TF: variants seen among roughly 807,000 people sequenced by gnomAD.
TF encodes the protein transferrin, also known as serotransferrin.
TF carries 55 observed loss-of-function variants against 82.4 expected under a neutral mutation model. The observed-to-expected ratio is 0.67, with a 90% CI of 0.54 to 0.84. The LOEUF (loss-of-function observed/expected upper bound fraction) is 0.84. TF is among the 40% of genes least tolerant of loss of function. The probability of loss-of-function intolerance (pLI) is 0.00; values close to 1 mark genes in which losing one functional copy is unlikely to be tolerated. For missense variants in TF, 737 were observed against 868.4 expected, an observed-to-expected ratio of 0.85 and a Z score of 1.90; for synonymous variants, 332 against 332.6, an observed-to-expected ratio of 1.00 and a Z score of 0.02.
chr3:133,727,636 G>A, the TF span, among the ~76,000 whole-genome samples: 2,701 of 115,882 alleles, frequency 0.023, 92 homozygotes, highest in Non-Finnish European at 0.034. Flanking sequence ...CTTTTAATTG[G>A]AGCATTTAGT....
rs1346616054 is a variant in TF, at chr3:133,788,523, T to A, written c.*9903T>A. On this transcript the variant is annotated 3_prime_UTR_variant, in exon 17 of 17. Coordinates refer to ENST00000402696, the MANE Select transcript of TF (RefSeq NM_001063.4). ...GTTTTGTCCAATTCTTGGTTCAATA[T>A]GCCCAGAACCTGGACACCCTCCACT... 1 of 152,244 alleles carries A rather than the reference T, an allele frequency of 6.6e-6. No homozygotes were observed. Among genetic ancestry groups the A allele is most frequent in the African/African-American group, 2.4e-5 (1 of 41,460 alleles). 9.4% of individuals were successfully genotyped at this position (152,244 alleles called of 1,614,324 possible). A position where few individuals can be genotyped will look rare whatever the true frequency, so the allele number is the denominator to read the frequency against.
the TF span, among the ~76,000 whole-genome samples, chr3:133,684,150 C>T: frequency 6.6e-6 from 1 of 152,172 alleles, no homozygotes; most frequent in African/African-American, 2.4e-5. Context: ...TTCTTTGAAA[C>T]CAATGAGAAC....
chr3:133,686,264 A>G, the TF span, among the ~76,000 whole-genome samples: 4 of 152,202 alleles, frequency 2.6e-5, no homozygotes, highest in Non-Finnish European at 5.9e-5. Flanking sequence ...AACCTAGGCA[A>G]TACCATTCAG....
chr3:133,665,621 G>A, the TF span, among the ~76,000 whole-genome samples: 1 of 151,966 alleles, frequency 6.6e-6, no homozygotes, highest in Non-Finnish European at 1.5e-5. Context: ...TGCTTGGGGT[G>A]ACATTATGGG....
In TF at chr3:133,753,727, G is replaced by A. The variant is rs774646960; in HGVS notation, c.325+24G>A. The A allele has an allele frequency of 5.0e-6, 8 of 1,584,900 alleles. No individual in the cohort carries two copies. The Admixed American group carries it at 1.2e-4, about 23-fold the overall frequency. ...GGGTAAGTTCTCCCTGGGACCCCAG[G>A]AAGGAGTTGTCATCCTTATTCTATA... On this transcript the variant is annotated intron_variant, in intron 3 of 16. Coordinates refer to ENST00000402696, the MANE Select transcript of TF (RefSeq NM_001063.4).
chr3:133,727,829 G>T, the TF span, among the ~76,000 whole-genome samples: 1 of 104,586 alleles, frequency 9.6e-6, no homozygotes, highest in Non-Finnish European at 2.0e-5. Context: ...CTTCCTTCAG[G>T]AACTCTTTTA....
chr3:133,705,821 T>C, the TF span, among the ~76,000 whole-genome samples: 1 of 152,194 alleles, frequency 6.6e-6, no homozygotes, highest in African/African-American at 2.4e-5. Flanking sequence ...AGGCCCATTG[T>C]TGGGGAGAGG....
At chr3:133,750,634 TTAG>T (rs1180758402) in intron 2 of TF, among the ~76,000 whole-genome samples, 1 of 152,122 alleles carries the variant, frequency 6.6e-6, no homozygotes, top group African/African-American at 2.4e-5. Flanking sequence ...ACGCTGTGTT[TTAG>T]GCCTTAGCTC....
the TF span, among the ~76,000 whole-genome samples, chr3:133,697,257 AATT>A: frequency 6.7e-6 from 1 of 150,094 alleles, no homozygotes; most frequent in African/African-American, 2.5e-5. Flanking sequence ...GGTCTCATCA[AATT>A]ATTATTATTA....
chr3:133,724,771 G>C, the TF span, among the ~76,000 whole-genome samples: 1 of 152,218 alleles, frequency 6.6e-6, no homozygotes, highest in African/African-American at 2.4e-5. Flanking sequence ...TTTTCTTCTA[G>C]GGATTTTATG....
At chr3:133,685,054 G>A in the TF span, among the ~76,000 whole-genome samples, 4 of 152,318 alleles carry the variant, frequency 2.6e-5, no homozygotes, top group Admixed American at 2.0e-4. Flanking sequence ...TTCAACGTAT[G>A]CAAATCAATA....
the TF span, among the ~76,000 whole-genome samples, chr3:133,662,638 G>T: frequency 6.6e-6 from 1 of 150,804 alleles, no homozygotes; most frequent in African/African-American, 2.4e-5. Flanking sequence ...CTAAGATTCA[G>T]ATGGCAGAGA....
chr3:133,709,429 C>G, the TF span: 1 of 152,702 alleles, frequency 6.5e-6, no homozygotes, highest in African/African-American at 2.4e-5. Context: ...CTGGCCAGAT[C>G]TCACTGGATC....
chr3:133,775,893 C>G (rs1934377824), intron 15 of TF, among the ~76,000 whole-genome samples: 1 of 152,186 alleles, frequency 6.6e-6, no homozygotes, highest in East Asian at 1.9e-4. Flanking sequence ...ATATTTTTAC[C>G]TACTTCTCAG....
At chr3:133,764,643 G>A (rs1934080005) in intron 10 of TF, among the ~76,000 whole-genome samples, 1 of 152,220 alleles carries the variant, frequency 6.6e-6, no homozygotes, top group African/African-American at 2.4e-5. Context: ...TGTGGTCTCA[G>A]TGCAGACAGA....
In TF at chr3:133,782,344, C is replaced by A. The variant is rs890585036; in HGVS notation, c.*3724C>A. ...CCTTGTAGAGATAAATGTGATCCCA[C>A]GTTCATTGCAGCATTGCAGCCAATA... On this transcript the variant is annotated 3_prime_UTR_variant, in exon 17 of 17. Coordinates refer to ENST00000402696, the MANE Select transcript of TF (RefSeq NM_001063.4). The A allele has an allele frequency of 6.6e-6, 1 of 152,128 alleles. No homozygotes were observed. The highest frequency in any genetic ancestry group is 1.5e-5 in the Non-Finnish European group (1 of 68,040). 9.4% of individuals were successfully genotyped at this position (152,128 alleles called of 1,614,324 possible). A position where few individuals can be genotyped will look rare whatever the true frequency, so the allele number is the denominator to read the frequency against.
chr3:133,736,702 G>A, the TF span, among the ~76,000 whole-genome samples: 42 of 123,324 alleles, frequency 3.4e-4, no homozygotes, highest in Non-Finnish European at 5.8e-4. Flanking sequence ...AACCAACAAA[G>A]ATTAAAAAAA....
At chr3:133,774,861 GTT>G (rs35736766) in intron 14 of TF, 4,198 of 220,522 alleles carry the variant, frequency 0.019, 1 homozygote, top group South Asian at 0.042. Flanking sequence ...GAATGGGTGA[GTT>G]TTTTTTTTTT....
chr3:133,742,208 G>T (rs1376374684), upstream of TF, among the ~76,000 whole-genome samples: 1 of 151,978 alleles, frequency 6.6e-6, no homozygotes, highest in East Asian at 1.9e-4. Context: ...TCTTGAACTC[G>T]TGAGCTCAAG....
Sources: gnomAD v4.1 joint callset for allele counts (sites outside exome capture counted in the v4.1 genomes callset) on GRCh38, gnomAD v4.1.1 for gene constraint, MANE v1.5 for transcripts, NCBI Gene and HGNC (gene_info 2026-07-23, HGNC 2026-07-21) for gene names.